Variants in SIPA1L1 observed in about 807,000 individuals in gnomAD.
SIPA1L1 encodes signal-induced proliferation-associated 1-like protein 1.
In SIPA1L1, 26 loss-of-function variants were observed where a neutral mutation model predicts 162.7. The ratio of observed to expected loss-of-function variants is 0.16; its 90% CI spans 0.12 to 0.22. The LOEUF is 0.22. Among genes scored for constraint, SIPA1L1 ranks in the 10% least tolerant of loss-of-function variants. The probability of loss-of-function intolerance (pLI) is 1.00; values close to 1 mark genes in which losing one functional copy is unlikely to be tolerated. For synonymous variants in SIPA1L1, 829 were observed against 837.4 expected, an observed-to-expected ratio of 0.99 and a Z score of 0.17; for missense variants, 1,874 against 2,241.0, an observed-to-expected ratio of 0.84 and a Z score of 3.31.
chr14:71,437,412 G>A (rs916179472), intron 2 of SIPA1L1, among the ~76,000 whole-genome samples: 2 of 152,120 alleles, frequency 1.3e-5, no homozygotes, highest in African/African-American at 4.8e-5. Context: ...CTGTCACCCA[G>A]GCTGGAGTCC....
At chr14:71,562,581 G>A (rs1403981283) in intron 4 of SIPA1L1, among the ~76,000 whole-genome samples, 1 of 152,150 alleles carries the variant, frequency 6.6e-6, no homozygotes, top group Non-Finnish European at 1.5e-5. Context: ...TAACTTGCAT[G>A]TTAAGATTGG....
intron 2 of SIPA1L1, among the ~76,000 whole-genome samples, chr14:71,409,285 G>A (rs754286471): frequency 1.3e-5 from 2 of 152,108 alleles, no homozygotes; most frequent in Non-Finnish European, 2.9e-5. Context: ...TGTGGGTGTG[G>A]GGTTGAAGAT....
intron 2 of SIPA1L1, among the ~76,000 whole-genome samples, chr14:71,444,762 T>C (rs1328557115): frequency 6.6e-6 from 1 of 152,222 alleles, no homozygotes; most frequent in Non-Finnish European, 1.5e-5. Context: ...GTTGGACCCT[T>C]TAGACTTTCT....
intron 2 of SIPA1L1, among the ~76,000 whole-genome samples, chr14:71,350,823 G>A (rs926468682): frequency 1.3e-5 from 2 of 152,120 alleles, no homozygotes; most frequent in South Asian, 4.1e-4. Context: ...TGATTTCAAC[G>A]GAATATTTAG....
At chr14:71,604,907 GTATCTGGA>G (rs1418764009) in intron 5 of SIPA1L1, among the ~76,000 whole-genome samples, 2 of 152,074 alleles carry the variant, frequency 1.3e-5, no homozygotes, top group African/African-American at 4.8e-5. Context: ...TAAGCTTCCT[GTATCTGGA>G]TATCTAAATC....
At chr14:71,516,212 G>C (rs2051713379) in intron 3 of SIPA1L1, among the ~76,000 whole-genome samples, 1 of 151,906 alleles carries the variant, frequency 6.6e-6, no homozygotes, top group Non-Finnish European at 1.5e-5. Flanking sequence ...TGTTGTTTTT[G>C]GTTTTGTTTT....
At chr14:71,713,324 G>A (rs2083018757) in intron 17 of SIPA1L1, among the ~76,000 whole-genome samples, 1 of 152,222 alleles carries the variant, frequency 6.6e-6, no homozygotes, top group African/African-American at 2.4e-5. Flanking sequence ...AGATGCATCA[G>A]TATTTGCACA....
chr14:71,631,400 T>G (rs2040557501), intron 7 of SIPA1L1, among the ~76,000 whole-genome samples: 1 of 152,248 alleles, frequency 6.6e-6, no homozygotes, highest in African/African-American at 2.4e-5. Context: ...CCATAGTTTA[T>G]TTCATCAGTT....
chr14:71,563,608 A>G (rs1385989544), intron 4 of SIPA1L1, among the ~76,000 whole-genome samples: 1 of 152,198 alleles, frequency 6.6e-6, no homozygotes. Context: ...TGACCTATTT[A>G]TCTCATTGCT....
intron 12 of SIPA1L1, among the ~76,000 whole-genome samples, chr14:71,675,728 G>T (rs574928513): frequency 6.6e-6 from 1 of 152,116 alleles, no homozygotes; most frequent in African/African-American, 2.4e-5. Context: ...CAGCTGCAGC[G>T]AGAGGCAGGA....
intron 4 of SIPA1L1, among the ~76,000 whole-genome samples, chr14:71,564,997 G>A (rs551937226): frequency 3.3e-5 from 5 of 152,246 alleles, no homozygotes; most frequent in Admixed American, 2.6e-4. Context: ...AGAGTACTTG[G>A]TTTCACACGA....
chr14:71,591,523 C>G (rs186967740), intron 5 of SIPA1L1, among the ~76,000 whole-genome samples: 167 of 152,290 alleles, frequency 1.1e-3, no homozygotes, highest in Non-Finnish European at 1.5e-3. Flanking sequence ...AAATCTAATA[C>G]CCACTAATCC....
chr14:71,564,880 C>A (rs1253190022), intron 4 of SIPA1L1, among the ~76,000 whole-genome samples: 1 of 152,184 alleles, frequency 6.6e-6, no homozygotes, highest in African/African-American at 2.4e-5. Flanking sequence ...GTTACTTTCA[C>A]AGGTTCTTAT....
At chr14:71,690,985 T>TA (rs1481862714) in intron 13 of SIPA1L1, among the ~76,000 whole-genome samples, 13 of 152,348 alleles carry the variant, frequency 8.5e-5, no homozygotes, top group African/African-American at 3.1e-4. Flanking sequence ...TCTCGTGTGT[T>TA]ACCCACCTTG....
chr14:71,509,769 A>G (rs556216306), intron 2 of SIPA1L1, among the ~76,000 whole-genome samples: 3 of 152,134 alleles, frequency 2.0e-5, no homozygotes, highest in African/African-American at 7.2e-5. Context: ...GAAAGAAAAA[A>G]GAAAGAAAGC....
At position 71,632,245 on chromosome 14, in the gene SIPA1L1, G is replaced by A. The variant is rs552272994; in HGVS notation, c.1818+8009G>A. 3.3e-5 allele frequency among the ~76,000 whole-genome samples: 5 copies of A among 152,244 alleles called. No individual in the cohort carries two copies. The East Asian group carries it at 9.6e-4, about 29-fold the overall frequency. On this transcript the variant is annotated intron_variant, in intron 7 of 23. Coordinates refer to ENST00000381232, the MANE Select transcript of SIPA1L1 (RefSeq NM_001386936.1). ...TTAGGGACCTTGAGATCTCTGGAAT[G>A]GCATAGCTGTGAGGTCCCTGGGTTT...
At chr14:71,662,665 G>GAGGCT (rs2043634793) in intron 10 of SIPA1L1, among the ~76,000 whole-genome samples, 1 of 152,188 alleles carries the variant, frequency 6.6e-6, no homozygotes, top group Admixed American at 6.5e-5. Context: ...TCCCAACACA[G>GAGGCT]AGGCTGTTCC....
At chr14:71,647,085 G>A (rs942072187) in intron 7 of SIPA1L1, among the ~76,000 whole-genome samples, 1 of 152,082 alleles carries the variant, frequency 6.6e-6, no homozygotes, top group African/African-American at 2.4e-5. Flanking sequence ...TGAGTTCGGA[G>A]AATGCTACCT....
intron 2 of SIPA1L1, among the ~76,000 whole-genome samples, chr14:71,433,903 A>G (rs1468874638): frequency 6.6e-6 from 1 of 152,218 alleles, no homozygotes; most frequent in Non-Finnish European, 1.5e-5. Context: ...TACAGCCCCT[A>G]GCACAGAGCA....
Sources: gnomAD v4.1 joint callset for allele counts (sites outside exome capture counted in the v4.1 genomes callset) on GRCh38, gnomAD v4.1.1 for gene constraint, MANE v1.5 for transcripts, NCBI Gene and HGNC (gene_info 2026-07-23, HGNC 2026-07-21) for gene names.